Variants in CEP128 observed in about 807,000 individuals in gnomAD.
CEP128 encodes centrosomal protein 128.
Under a neutral mutation model 156.7 loss-of-function variants are expected in CEP128, and 132 were observed. That is an observed-to-expected ratio of 0.84 (90% CI 0.73 to 0.97). CEP128 has a LOEUF of 0.97. Ranked by LOEUF, CEP128 falls within the 50% of genes least tolerant of loss-of-function variation. The probability of loss-of-function intolerance (pLI) is 0.00; values close to 1 mark genes in which losing one functional copy is unlikely to be tolerated. For missense variants in CEP128, 1,252 were observed against 1,281.9 expected (o/e 0.98, Z 0.36); for synonymous variants, 469 against 448.9 (o/e 1.04, Z -0.57).
In CEP128 at chr14:80,597,646, G is replaced by GA. The variant is rs71456212; in HGVS notation, c.2807-17224dup. ...AAAGAAAGAAAGAAAAGAAAGAAAA[G>GA]AAAAAAAAAAACCGCAGCTTTCTCC... On this transcript the variant is annotated intron_variant, in intron 19 of 24. Transcript: ENST00000555265. Among the ~76,000 whole-genome samples the GA allele has an allele frequency of 4.7e-3, 644 of 137,942 alleles. 1 individual carries two copies. The highest frequency in any genetic ancestry group is 6.4e-3 in the Non-Finnish European group (404 of 63,216). 90.5% of individuals were successfully genotyped at this position (137,942 alleles called of 152,430 possible).
At chr14:80,511,192 C>A (rs190353336) in intron 23 of CEP128, among the ~76,000 whole-genome samples, 105 of 151,274 alleles carry the variant, frequency 6.9e-4, no homozygotes, top group Middle Eastern at 6.8e-3. Context: ...GGTATTAGTT[C>A]TTTAAGTGTT....
intron 19 of CEP128, among the ~76,000 whole-genome samples, chr14:80,676,452 T>TA (rs956795162): frequency 0.037 from 5,375 of 147,114 alleles, 194 homozygotes; most frequent in Admixed American, 0.12. Context: ...TGATTTTTTT[T>TA]AAAAAAAAAA....
intron 21 of CEP128, among the ~76,000 whole-genome samples, chr14:80,533,688 C>T (rs1398823446): frequency 1.3e-5 from 2 of 152,154 alleles, no homozygotes; most frequent in African/African-American, 4.8e-5. Context: ...CTGCCCCCAT[C>T]TCCCTTAACC....
chr14:80,689,871 G>A (rs1158119208), intron 19 of CEP128, among the ~76,000 whole-genome samples: 2 of 151,870 alleles, frequency 1.3e-5, no homozygotes, highest in South Asian at 2.1e-4. Flanking sequence ...ATAGATTATC[G>A]ATTAATTTTA....
At chr14:80,815,474 TA>T (rs1458865344) in intron 13 of CEP128, among the ~76,000 whole-genome samples, 4 of 152,184 alleles carry the variant, frequency 2.6e-5, no homozygotes. Flanking sequence ...GATGGAAATG[TA>T]AATTAGTACA....
intron 19 of CEP128, among the ~76,000 whole-genome samples, chr14:80,654,457 T>C (rs552222218): frequency 1.3e-5 from 2 of 152,224 alleles, no homozygotes; most frequent in Non-Finnish European, 2.9e-5. Flanking sequence ...AAGAACGACT[T>C]AGTTTTCTGA....
intron 19 of CEP128, among the ~76,000 whole-genome samples, chr14:80,655,975 T>A (rs567097030): frequency 6.6e-6 from 1 of 152,084 alleles, no homozygotes; most frequent in East Asian, 2.0e-4. Flanking sequence ...AGTGACCTAC[T>A]AATAAGACCT....
At chr14:80,922,940 T>G (rs1043493910) in intron 2 of CEP128, among the ~76,000 whole-genome samples, 3 of 152,242 alleles carry the variant, frequency 2.0e-5, no homozygotes, top group African/African-American at 7.2e-5. Context: ...TTCTGCAGCT[T>G]ACTACCACCT....
chr14:80,909,958 A>C (rs1884113928), intron 4 of CEP128, among the ~76,000 whole-genome samples: 1 of 152,200 alleles, frequency 6.6e-6, no homozygotes, highest in Non-Finnish European at 1.5e-5. Context: ...ATGATGGATG[A>C]TGTTATTTTC....
At chr14:80,704,940 T>C (rs1262952087) in intron 19 of CEP128, among the ~76,000 whole-genome samples, 4 of 152,098 alleles carry the variant, frequency 2.6e-5, no homozygotes, top group African/African-American at 9.7e-5. Flanking sequence ...GCATGACCAA[T>C]CTTTTTCACC....
intron 19 of CEP128, among the ~76,000 whole-genome samples, chr14:80,699,036 A>T (rs1307785349): frequency 6.6e-6 from 1 of 152,172 alleles, no homozygotes; most frequent in Non-Finnish European, 1.5e-5. Flanking sequence ...AGAGAATGAG[A>T]GGGAGAGAAA....
At position 80,784,016 on chromosome 14, in the gene CEP128, T is replaced by C. The variant is rs763894568; in HGVS notation, c.2211+879A>G. 6.2e-4 allele frequency among the ~76,000 whole-genome samples: 95 copies of C among 152,298 alleles called. 1 individual carries two copies. The highest frequency in any genetic ancestry group is 2.2e-3 in the African/African-American group (92 of 41,566). ...TGTCAACTATTTCAATATCATTTCA[T>C]CTTAAATCATAAGCATTTTGAAAGT... On this transcript the variant is annotated intron_variant, in intron 15 of 24. Transcript: ENST00000555265.
intron 7 of CEP128, among the ~76,000 whole-genome samples, chr14:80,898,687 T>C (rs187541592): frequency 4.5e-4 from 68 of 152,348 alleles, no homozygotes; most frequent in African/African-American, 1.5e-3. Context: ...ATTCCTACAA[T>C]ACATTAAAGT....
chr14:80,895,617 C>T (rs1889308912), intron 8 of CEP128, 101 bp downstream of exon 8: 2 of 700,900 alleles, frequency 2.9e-6, no homozygotes, highest in South Asian at 2.8e-5. Flanking sequence ...TGGGACATAC[C>T]ACCCAAAAGG....
At chr14:80,818,940 A>C (rs1461395451) in intron 13 of CEP128, among the ~76,000 whole-genome samples, 1 of 152,180 alleles carries the variant, frequency 6.6e-6, no homozygotes, top group Non-Finnish European at 1.5e-5. Context: ...TTGCAATAGG[A>C]ATGGAAGAGC....
At chr14:80,627,344 G>A (rs1488039413) in intron 19 of CEP128, among the ~76,000 whole-genome samples, 1 of 152,152 alleles carries the variant, frequency 6.6e-6, no homozygotes. Flanking sequence ...GAATGTAAGT[G>A]AAAATAAAGA....
At chr14:80,796,598 C>A (rs983638797) in intron 13 of CEP128, among the ~76,000 whole-genome samples, 1 of 152,140 alleles carries the variant, frequency 6.6e-6, no homozygotes, top group Non-Finnish European at 1.5e-5. Flanking sequence ...TATTCTTCTT[C>A]TTTCATAATC....
At chr14:80,922,103 G>C (rs752674015) in intron 2 of CEP128, among the ~76,000 whole-genome samples, 1 of 152,220 alleles carries the variant, frequency 6.6e-6, no homozygotes, top group Non-Finnish European at 1.5e-5. Context: ...GACCTCTTCA[G>C]AGATAGCCGG....
chr14:80,878,051 T>TA (rs1316878688), intron 8 of CEP128, among the ~76,000 whole-genome samples: 2 of 152,104 alleles, frequency 1.3e-5, no homozygotes, highest in African/African-American at 4.8e-5. Context: ...TCTGGCCTCC[T>TA]ACACACCAGA....
Sources: allele counts gnomAD v4.1 joint callset (sites outside exome capture counted in the v4.1 genomes callset), GRCh38; gene constraint gnomAD v4.1.1; transcripts MANE v1.5; gene names NCBI Gene and HGNC (gene_info 2026-07-23, HGNC 2026-07-21).